MACROD2: variants seen among roughly 807,000 people sequenced by gnomAD.
The protein encoded by MACROD2 is mono-ADP ribosylhydrolase 2.
In MACROD2, 36 loss-of-function variants were observed where a neutral mutation model predicts 70.4. That is an observed-to-expected ratio of 0.51 (90% CI 0.39 to 0.68). The LOEUF (loss-of-function observed/expected upper bound fraction) is 0.68, where lower values mean the gene tolerates loss of function less well. Among genes scored for constraint, MACROD2 ranks in the 30% least tolerant of loss-of-function variants. The pLI is 0.00. For synonymous variants in MACROD2, 172 were observed against 178.8 expected (o/e 0.96, Z 0.30); for missense variants, 496 against 538.4 (o/e 0.92, Z 0.78).
At chr20:14,008,564 G>T (rs779468593) in intron 2 of MACROD2, among the ~76,000 whole-genome samples, 9 of 152,272 alleles carry the variant, frequency 5.9e-5, no homozygotes, top group Middle Eastern at 3.4e-3. Flanking sequence ...TATAGATTCA[G>T]TACTATTCCT....
chr20:15,899,059 CATATATGTGTGTGCACAT>C lies in MACROD2; in HGVS notation c.775+13255_775+13272del, dbSNP rs138294278. Among the ~76,000 whole-genome samples the C allele has an allele frequency of 3.9e-3, 587 of 151,562 alleles. 2 individuals are homozygous for C. The highest frequency in any genetic ancestry group is 0.023 in the South Asian group (112 of 4,796). ...ATGTACACATGTATGTATATACATG[CATATATGTGTGTGCACAT>C]ATATATCTGTAGGTGTGTGCTATCT... On this transcript the variant is annotated intron_variant, in intron 10 of 17. Transcript: ENST00000684519.
At chr20:14,763,317 CG>C (rs147614313) in intron 5 of MACROD2, among the ~76,000 whole-genome samples, 10,999 of 152,176 alleles carry the variant, frequency 0.072, 473 homozygotes, top group Middle Eastern at 0.21. Context: ...TTCAGAGTCA[CG>C]GGGAAACCCT....
At chr20:14,294,972 G>A (rs2082415059) in intron 3 of MACROD2, among the ~76,000 whole-genome samples, 1 of 151,742 alleles carries the variant, frequency 6.6e-6, no homozygotes, top group East Asian at 1.9e-4. Context: ...GTCAGAAACA[G>A]CCAGTCAGTG....
chr20:15,374,647 GAATAGAGTGCCACT>G (rs2045538667), intron 6 of MACROD2, among the ~76,000 whole-genome samples: 2 of 152,094 alleles, frequency 1.3e-5, no homozygotes. Flanking sequence ...TATTCTGAAA[GAATAGAGTGCCACT>G]ATTCCTGAGC....
chr20:14,859,550 T>C lies in MACROD2; in HGVS notation c.418+174591T>C, dbSNP rs1195799043. 1.3e-5 allele frequency among the ~76,000 whole-genome samples: 2 copies of C among 152,126 alleles called. 1 individual carries two copies. The highest frequency in any genetic ancestry group is 2.9e-5 in the Non-Finnish European group (2 of 68,022). On this transcript the variant is annotated intron_variant, in intron 5 of 17. Coordinates refer to ENST00000684519, the MANE Select transcript of MACROD2 (RefSeq NM_001351661.2). ...TCAATATTCCAAAAGATAAACACAA[T>C]ACTATTTGTTGGATATTTATCTTTT... is the stretch of plus-strand genomic sequence containing the variant.
chr20:14,935,178 GT>G (rs1363631574), intron 5 of MACROD2: 2 of 152,072 alleles, frequency 1.3e-5, no homozygotes, highest in Middle Eastern at 3.4e-3. Context: ...CAGAACAAGT[GT>G]TTCTATTCTT....
chr20:15,636,302 A>G (rs1348041922), intron 8 of MACROD2, among the ~76,000 whole-genome samples: 1 of 152,184 alleles, frequency 6.6e-6, no homozygotes, highest in Non-Finnish European at 1.5e-5. Context: ...TAGAAGAACC[A>G]GATAGAATAT....
At chr20:15,144,284 G>C (rs1269656179) in intron 5 of MACROD2, among the ~76,000 whole-genome samples, 1 of 152,106 alleles carries the variant, frequency 6.6e-6, no homozygotes, top group African/African-American at 2.4e-5. Flanking sequence ...ACTGCAAGTG[G>C]TTGGTGATCA....
chr20:15,186,684 T>C (rs2076536768), intron 5 of MACROD2, among the ~76,000 whole-genome samples: 1 of 152,186 alleles, frequency 6.6e-6, no homozygotes, highest in Admixed American at 6.5e-5. Context: ...AAATTTTTAT[T>C]GTTCACTAAC....
intron 3 of MACROD2, among the ~76,000 whole-genome samples, chr20:14,144,920 G>A (rs992937080): frequency 2.6e-5 from 4 of 152,050 alleles, no homozygotes; most frequent in South Asian, 2.1e-4. Context: ...CATCATGTTC[G>A]CCACTCTCTA....
intron 6 of MACROD2, among the ~76,000 whole-genome samples, chr20:15,348,868 G>A (rs893517261): frequency 1.3e-5 from 2 of 152,096 alleles, no homozygotes; most frequent in African/African-American, 4.8e-5. Context: ...TTTGGGCGGG[G>A]TCACAGCCAA....
intron 5 of MACROD2, among the ~76,000 whole-genome samples, chr20:15,147,815 T>A (rs1399227649): frequency 1.3e-4 from 19 of 151,426 alleles, no homozygotes; most frequent in Non-Finnish European, 5.9e-5. Context: ...GAGCTAGGGG[T>A]GGGGCCATTT....
chr20:14,244,867 C>T (rs968331082), intron 3 of MACROD2, among the ~76,000 whole-genome samples: 3 of 152,000 alleles, frequency 2.0e-5, no homozygotes, highest in African/African-American at 4.8e-5. Context: ...GGTTACTAGC[C>T]GTAAGTGTTA....
At chr20:15,296,645 C>G (rs894271243) in intron 6 of MACROD2, among the ~76,000 whole-genome samples, 1 of 152,216 alleles carries the variant, frequency 6.6e-6, no homozygotes, top group Non-Finnish European at 1.5e-5. Context: ...CCACTGCACT[C>G]TCACATACCT....
intron 5 of MACROD2, among the ~76,000 whole-genome samples, chr20:15,026,537 A>G (rs2075233157): frequency 6.6e-6 from 1 of 151,582 alleles, no homozygotes; most frequent in Admixed American, 6.6e-5. Flanking sequence ...TATTTTTACT[A>G]TCGGTTCCCA....
intron 5 of MACROD2, among the ~76,000 whole-genome samples, chr20:15,095,060 T>TA (rs1568570349): frequency 1.7e-5 from 1 of 57,672 alleles, no homozygotes; most frequent in Non-Finnish European, 3.0e-5. Flanking sequence ...TGTGGTCTCC[T>TA]CTTCTTTTTT....
At chr20:15,587,196 G>A (rs943598942) in intron 8 of MACROD2, among the ~76,000 whole-genome samples, 1 of 152,176 alleles carries the variant, frequency 6.6e-6, no homozygotes, top group Admixed American at 6.5e-5. Flanking sequence ...AAGAGAAAAT[G>A]AGGAGGAAGC....
intron 15 of MACROD2, among the ~76,000 whole-genome samples, chr20:16,035,107 A>AAAATATT (rs2067208962): frequency 1.6e-4 from 1 of 6,212 alleles, no homozygotes; most frequent in Admixed American, 5.2e-3. Context: ...TATATATTAT[A>AAAATATT]TATAAAATAT....
chr20:14,313,259 C>T (rs748290486), intron 3 of MACROD2, among the ~76,000 whole-genome samples: 3 of 152,232 alleles, frequency 2.0e-5, no homozygotes, highest in East Asian at 1.9e-4. Context: ...TGAATACTTG[C>T]GTATTTTGTG....
Sources: allele counts gnomAD v4.1 joint callset (sites outside exome capture counted in the v4.1 genomes callset), GRCh38; gene constraint gnomAD v4.1.1; transcripts MANE v1.5; gene names NCBI Gene and HGNC (gene_info 2026-07-23, HGNC 2026-07-21).